The following DPYD variants were observed in gnomAD, a reference collection of about 807,000 sequenced individuals.
DPYD encodes dihydropyrimidine dehydrogenase [NADP(+)].
In DPYD, 109 loss-of-function variants were observed where a neutral mutation model predicts 116.2. The ratio of observed to expected loss-of-function variants is 0.94; its 90% confidence interval spans 0.80 to 1.10. The LOEUF is 1.10. Ranked by LOEUF, DPYD falls within the 50% of genes least tolerant of loss-of-function variation. The pLI, the probability that DPYD is intolerant of heterozygous loss-of-function variation, is 0.00. For missense variants in DPYD, 1,302 were observed against 1,254.5 expected (o/e 1.04, Z -0.57); for synonymous variants, 440 against 432.0 (o/e 1.02, Z -0.23).
At position 97,836,961 on chromosome 1, in the gene DPYD, CAT is replaced by C. The variant is rs746896893; in HGVS notation, c.151-8767_151-8766del. 5.9e-5 allele frequency among the ~76,000 whole-genome samples: 9 copies of C among 152,002 alleles called. No homozygotes were observed. The East Asian group carries it at 1.7e-3, about 29-fold the overall frequency. ...TCATGATCATTTATCTTTAAAAGCA[CAT>C]GTGTGCATTTTAATACATGAGGAAA... On this transcript the variant is annotated intron_variant, in intron 2 of 22. Coordinates refer to ENST00000370192, the MANE Select transcript of DPYD (RefSeq NM_000110.4).
chr1:97,310,319 C>T (rs972573040), intron 16 of DPYD, among the ~76,000 whole-genome samples: 7 of 151,744 alleles, frequency 4.6e-5, no homozygotes, highest in Non-Finnish European at 1.0e-4. Context: ...GTACCAATTT[C>T]ACCTTCTTAA....
chr1:97,563,053 G>C (rs1487116396), intron 11 of DPYD, among the ~76,000 whole-genome samples: 4 of 152,094 alleles, frequency 2.6e-5, no homozygotes, highest in Non-Finnish European at 5.9e-5. Context: ...TTTAGATAGG[G>C]ATGTTGTCCT....
intron 19 of DPYD, among the ~76,000 whole-genome samples, chr1:97,198,715 T>C (rs998774807): frequency 2.6e-5 from 4 of 152,222 alleles, no homozygotes; most frequent in African/African-American, 7.2e-5. Context: ...GTTTGCTTAG[T>C]ATAATTTGTA....
At chr1:97,180,779 G>A (rs1047179867) in intron 20 of DPYD, among the ~76,000 whole-genome samples, 4 of 152,110 alleles carry the variant, frequency 2.6e-5, no homozygotes, top group Non-Finnish European at 4.4e-5. Context: ...CCACTCCCAT[G>A]AATGTGACAA....
chr1:97,816,098 T>C (rs910499307), intron 3 of DPYD, among the ~76,000 whole-genome samples: 3 of 151,908 alleles, frequency 2.0e-5, no homozygotes, highest in Non-Finnish European at 2.9e-5. Context: ...TCTCACTACA[T>C]TGCCTAGGCT....
At chr1:97,414,142 A>T (rs560872802) in intron 14 of DPYD, among the ~76,000 whole-genome samples, 1 of 152,128 alleles carries the variant, frequency 6.6e-6, no homozygotes, top group Non-Finnish European at 1.5e-5. Context: ...AAAACAAAAA[A>T]CACACACACA....
At chr1:97,288,802 CA>C (rs1665919719) in intron 18 of DPYD, among the ~76,000 whole-genome samples, 1 of 151,364 alleles carries the variant, frequency 6.6e-6, no homozygotes, top group Admixed American at 6.6e-5. Context: ...CAAACACATT[CA>C]AAAGCTAGCA....
At chr1:97,270,277 G>A (rs566038935) in intron 18 of DPYD, among the ~76,000 whole-genome samples, 3 of 152,244 alleles carry the variant, frequency 2.0e-5, no homozygotes, top group East Asian at 1.9e-4. Flanking sequence ...GTCATCTTGC[G>A]GTTGAGAGGC....
chr1:97,607,033 A>C (rs1461389356), intron 8 of DPYD, among the ~76,000 whole-genome samples: 1 of 151,962 alleles, frequency 6.6e-6, no homozygotes, highest in East Asian at 1.9e-4. Flanking sequence ...ATGAAATTTT[A>C]ATACTTCAAA....
At chr1:97,842,041 G>A (rs905764950) in intron 2 of DPYD, among the ~76,000 whole-genome samples, 5 of 151,864 alleles carry the variant, frequency 3.3e-5, no homozygotes, top group African/African-American at 1.2e-4. Flanking sequence ...TGTGGGCTAA[G>A]GGCCTGGATC....
At chr1:97,806,370 T>C (rs557878558) in intron 3 of DPYD, among the ~76,000 whole-genome samples, 1 of 151,862 alleles carries the variant, frequency 6.6e-6, no homozygotes. Context: ...AAATAGTATG[T>C]TACTGTCGTT....
intron 16 of DPYD, among the ~76,000 whole-genome samples, chr1:97,368,224 A>C (rs1334142448): frequency 6.6e-6 from 1 of 152,164 alleles, no homozygotes; most frequent in Non-Finnish European, 1.5e-5. Context: ...AACACTAGAC[A>C]GGGGTCAGTA....
Position 97,721,533 on chromosome 1 carries a change from C to T in DPYD, c.460G>A (p.Gly154Arg). Residue 154 changes from glycine to arginine, a missense_variant, in exon 5 of 23, where the codon GGA (glycine) becomes AGA (arginine). Coordinates refer to ENST00000370192, the MANE Select transcript of DPYD (RefSeq NM_000110.4). ...ACCTCAGTAGCAAATTGCTGCAATC[C>T]ACCAATATTAATGGGTCCCTCTTCA... ...ATEEGPINIG[G>R]LQQFATEVFK... 6.2e-7 allele frequency: 1 copy of T among 1,611,308 alleles called. No homozygotes were observed. The highest frequency in any genetic ancestry group is 8.5e-7 in the Non-Finnish European group (1 of 1,178,160).
At chr1:97,636,122 T>C (rs903076479) in intron 8 of DPYD, among the ~76,000 whole-genome samples, 3 of 151,972 alleles carry the variant, frequency 2.0e-5, no homozygotes, top group Non-Finnish European at 2.9e-5. Context: ...CACCCAGCCA[T>C]AGTCCCTCAT....
intron 13 of DPYD, among the ~76,000 whole-genome samples, chr1:97,508,445 T>G (rs1647523805): frequency 6.6e-6 from 1 of 152,006 alleles, no homozygotes; most frequent in South Asian, 2.1e-4. Context: ...GACAGCAGAT[T>G]CACAGAAGCT....
intron 10 of DPYD, among the ~76,000 whole-genome samples, chr1:97,587,203 T>C (rs558213574): frequency 7.2e-4 from 109 of 152,328 alleles, no homozygotes; most frequent in African/African-American, 2.5e-3. Context: ...CATCATAAAG[T>C]CTTAAAGGTG....
chr1:97,447,093 C>T (rs1308798741), intron 14 of DPYD, among the ~76,000 whole-genome samples: 1 of 152,190 alleles, frequency 6.6e-6, no homozygotes, highest in African/African-American at 2.4e-5. Context: ...GCCATCTCCT[C>T]TGGTTCATGG....
intron 7 of DPYD, among the ~76,000 whole-genome samples, chr1:97,685,782 T>A (rs958739074): frequency 3.3e-5 from 5 of 151,820 alleles, no homozygotes; most frequent in African/African-American, 1.2e-4. Context: ...ACAAGGAAAG[T>A]GAAAAACCTC....
At position 97,670,347 on chromosome 1, in the gene DPYD, G is replaced by T. The variant is rs190159548; in HGVS notation, c.850+8748C>A. 9.9e-4 allele frequency among the ~76,000 whole-genome samples: 151 copies of T among 152,262 alleles called. No individual in the cohort carries two copies. In the Middle Eastern group the frequency reaches 0.02, roughly 21 times the overall value. ...CAAACATGATGGTACTTGGAGATGG[G>T]GCCTTTGGGATGTAATTAGTTTTAG... On this transcript the variant is annotated intron_variant, in intron 8 of 22. Transcript: ENST00000370192.
Sources: gnomAD v4.1 joint callset for allele counts (sites outside exome capture counted in the v4.1 genomes callset) on GRCh38, gnomAD v4.1.1 for gene constraint, MANE v1.5 for transcripts, NCBI Gene and HGNC (gene_info 2026-07-23, HGNC 2026-07-21) for gene names.